EFCAB5: variants seen among roughly 807,000 people sequenced by gnomAD.
EFCAB5 encodes the protein EF-hand calcium-binding domain-containing protein 5.
EFCAB5 carries 131 observed loss-of-function variants against 167.9 expected under a neutral mutation model. That is an observed-to-expected ratio of 0.78 (90% CI 0.68 to 0.90). The LOEUF is 0.90. EFCAB5 is among the 40% of genes least tolerant of loss of function. The pLI, the probability that EFCAB5 is intolerant of heterozygous loss-of-function variation, is 0.00. For synonymous variants in EFCAB5, 574 were observed against 602.8 expected (o/e 0.95, Z 0.70); for missense variants, 1,663 against 1,745.2 (o/e 0.95, Z 0.84).
intron 19 of EFCAB5, among the ~76,000 whole-genome samples, chr17:30,089,353 G>A (rs2071150636): frequency 6.6e-6 from 1 of 152,044 alleles, no homozygotes; most frequent in Non-Finnish European, 1.5e-5. Context: ...AAAAGGGGTG[G>A]GAATAGCAGA....
At chr17:30,016,540 G>A (rs1026587410) in intron 7 of EFCAB5, among the ~76,000 whole-genome samples, 11 of 152,156 alleles carry the variant, frequency 7.2e-5, no homozygotes, top group African/African-American at 2.7e-4. Flanking sequence ...TGTGTATATT[G>A]AACTTTAATC....
intron 3 of EFCAB5, among the ~76,000 whole-genome samples, chr17:29,946,429 CTTTTTTTTTTTT>C (rs58247381): frequency 2.3e-5 from 2 of 85,444 alleles, no homozygotes; most frequent in African/African-American, 4.9e-5. Context: ...ATGGAAATTT[CTTTTTTTTTTTT>C]TTTTTTTTTT....
intron 3 of EFCAB5, among the ~76,000 whole-genome samples, chr17:29,964,995 G>A (rs1291790309): frequency 2.0e-5 from 3 of 151,412 alleles, no homozygotes; most frequent in Non-Finnish European, 2.9e-5. Flanking sequence ...TCTGCCTTCC[G>A]GGTTCACACC....
rs373581601 is a variant in EFCAB5, at chr17:30,092,149, T to C, written c.4216T>C (p.Cys1406Arg). The change falls in exon 21 of 23, where the codon TGT (cysteine) becomes CGT (arginine). Residue 1406 changes from cysteine (C) to arginine (R), a missense_variant. Transcript: ENST00000394835. Reference sequence around the variant, plus strand: ...AAGTGACTTTGGAAGTTGGGATAAGTGTAAATTTGTAAGTTTTTTTTTAAA... The same window carrying C: ...AAGTGACTTTGGAAGTTGGGATAAGCGTAAATTTGTAAGTTTTTTTTTAAA... Reference protein sequence around the residue: ...FSSDFGSWDKCKFYVNKYLVN... With the variant: ...FSSDFGSWDKRKFYVNKYLVN... 5.9e-5 allele frequency: 95 copies of C among 1,600,742 alleles called. No individual in the cohort carries two copies. The African/African-American group carries it at 1.1e-3, about 18-fold the overall frequency.
chr17:30,018,227 A>G (rs1325983731), intron 7 of EFCAB5, among the ~76,000 whole-genome samples: 3 of 151,856 alleles, frequency 2.0e-5, no homozygotes, highest in African/African-American at 7.3e-5. Flanking sequence ...TAATTAGTTC[A>G]AAAAATATTT....
chr17:30,008,204 TTAAA>T (rs1373819448), intron 7 of EFCAB5, among the ~76,000 whole-genome samples: 4 of 152,236 alleles, frequency 2.6e-5, no homozygotes, highest in South Asian at 4.1e-4. Flanking sequence ...AGCAGATACA[TTAAA>T]TAAACAAGTA....
At chr17:30,030,847 G>A (rs1360819417) in intron 7 of EFCAB5, among the ~76,000 whole-genome samples, 1 of 151,998 alleles carries the variant, frequency 6.6e-6, no homozygotes, top group Non-Finnish European at 1.5e-5. Flanking sequence ...TAGAGATGAG[G>A]TCTTCCTATG....
rs140308019 is a variant in EFCAB5 at position 30,055,246 on chromosome 17, T to C, written c.2195-642T>C. Among the ~76,000 whole-genome samples, 46 of 149,932 alleles carry C rather than the reference T, an allele frequency of 3.1e-4. No individual in the cohort carries two copies. The East Asian group carries it at 6.5e-3, about 21-fold the overall frequency. Reference sequence around the variant, plus strand: ...AGGTTGAGCCTGCAATAAGCCATGATTGCACCACTGCACTCCATCTAGCCT... The same window carrying C: ...AGGTTGAGCCTGCAATAAGCCATGACTGCACCACTGCACTCCATCTAGCCT... On this transcript the variant is annotated intron_variant, in intron 10 of 22. Transcript: ENST00000394835.
At chr17:30,069,161 G>C in intron 14 of EFCAB5, 1 of 1,544,338 alleles carries the variant, frequency 6.5e-7, no homozygotes, top group Middle Eastern at 1.7e-4. Context: ...GCAAAGACAA[G>C]AGAATCCACA....
At chr17:29,973,599 T>C (rs2068003700) in intron 4 of EFCAB5, among the ~76,000 whole-genome samples, 1 of 148,112 alleles carries the variant, frequency 6.8e-6, no homozygotes, top group Non-Finnish European at 1.5e-5. Context: ...TGCCTCAGCC[T>C]CCTGAGTAGC....
chr17:30,096,675 ATATTTTT>A (rs1266450785), intron 22 of EFCAB5, among the ~76,000 whole-genome samples: 47 of 71,824 alleles, frequency 6.5e-4, no homozygotes, highest in East Asian at 3.7e-3. Flanking sequence ...ATATATATAT[ATATTTTT>A]TTTTTTTTTT....
intron 22 of EFCAB5, among the ~76,000 whole-genome samples, chr17:30,099,539 C>A (rs974119300): frequency 3.3e-5 from 5 of 152,200 alleles, no homozygotes; most frequent in Admixed American, 6.5e-5. Flanking sequence ...ATCCCTTCAT[C>A]CCCAAAGTTG....
At chr17:29,959,232 G>A (rs1017164608) in intron 3 of EFCAB5, among the ~76,000 whole-genome samples, 2 of 152,058 alleles carry the variant, frequency 1.3e-5, no homozygotes, top group Non-Finnish European at 2.9e-5. Flanking sequence ...TCCCTTCAGG[G>A]CAACGAGTTC....
At chr17:30,032,575 G>A (rs1423016410) in intron 7 of EFCAB5, among the ~76,000 whole-genome samples, 3 of 152,168 alleles carry the variant, frequency 2.0e-5, no homozygotes, top group Admixed American at 6.5e-5. Flanking sequence ...GGGAGTCTTA[G>A]CTGAGAGAAT....
chr17:29,991,643 A>G (rs1465379690), intron 4 of EFCAB5, among the ~76,000 whole-genome samples: 4 of 152,140 alleles, frequency 2.6e-5, no homozygotes, highest in Non-Finnish European at 5.9e-5. Context: ...TAAACCCACA[A>G]CCTTCAGCAT....
intron 3 of EFCAB5, among the ~76,000 whole-genome samples, chr17:29,967,266 T>C (rs1205057939): frequency 2.0e-5 from 3 of 152,212 alleles, no homozygotes; most frequent in Non-Finnish European, 4.4e-5. Flanking sequence ...GTTACTGTTT[T>C]CTATAGTCTG....
intron 7 of EFCAB5, among the ~76,000 whole-genome samples, chr17:30,007,241 G>A (rs925094782): frequency 6.6e-6 from 1 of 152,288 alleles, no homozygotes; most frequent in Middle Eastern, 3.4e-3. Context: ...TAAATTAGAA[G>A]TGGTAAGAAA....
intron 3 of EFCAB5, among the ~76,000 whole-genome samples, chr17:29,959,239 G>C (rs2151554803): frequency 6.6e-6 from 1 of 152,196 alleles, no homozygotes. Context: ...AGGGCAACGA[G>C]TTCCTTTCTG....
upstream of EFCAB5, among the ~76,000 whole-genome samples, chr17:29,938,119 G>GGCA (rs1174358944): frequency 6.6e-6 from 1 of 152,112 alleles, no homozygotes; most frequent in Non-Finnish European, 1.5e-5. Context: ...CCCTCATACA[G>GGCA]GCAGACCTGG....
Sources: allele counts gnomAD v4.1 joint callset (sites outside exome capture counted in the v4.1 genomes callset), GRCh38; gene constraint gnomAD v4.1.1; transcripts MANE v1.5; gene names NCBI Gene and HGNC (gene_info 2026-07-23, HGNC 2026-07-21).